Variants in PCNT observed in about 807,000 individuals in gnomAD.
The protein encoded by PCNT is kendrin.
A neutral mutation model predicts 380.4 loss-of-function variants in PCNT; 319 were observed. That is an observed-to-expected ratio of 0.84 (90% CI 0.77 to 0.92). The LOEUF (loss-of-function observed/expected upper bound fraction) is 0.92, where lower values mean the gene tolerates loss of function less well. Ranked by LOEUF, PCNT falls within the 40% of genes least tolerant of loss-of-function variation. The probability of loss-of-function intolerance (pLI) is 0.00; values close to 1 mark genes in which losing one functional copy is unlikely to be tolerated. For synonymous variants in PCNT, 1,845 were observed against 1,735.2 expected, an observed-to-expected ratio of 1.06 and a Z score of -1.57; for missense variants, 4,400 against 4,255.3, an observed-to-expected ratio of 1.03 and a Z score of -0.95.
intron 26 of PCNT, 144 bp from the exon 27 acceptor site, chr21:46,402,186 GT>G (rs2086451218): frequency 1.7e-6 from 1 of 582,360 alleles, no homozygotes; most frequent in Non-Finnish European, 2.9e-6. Context: ...TTTACCATTT[GT>G]GTGCGGGTAC....
intron 40 of PCNT, 98 bp from the exon 41 acceptor site, chr21:46,438,066 T>G: frequency 1.0e-6 from 1 of 979,950 alleles, no homozygotes; most frequent in Non-Finnish European, 1.6e-6. Flanking sequence ...CCAGACACAT[T>G]AATTACAATC....
intron 25 of PCNT, among the ~76,000 whole-genome samples, chr21:46,400,949 GT>G: frequency 6.6e-6 from 1 of 152,278 alleles, no homozygotes; most frequent in East Asian, 1.9e-4. Context: ...GAGCGGAGTT[GT>G]CCCCCTGGCC....
intron 13 of PCNT, among the ~76,000 whole-genome samples, chr21:46,361,113 C>T (rs548290744): frequency 7.9e-5 from 12 of 152,162 alleles, no homozygotes; most frequent in South Asian, 2.1e-4. Flanking sequence ...ATTCTTGGCC[C>T]GGCACGGTGG....
intron 24 of PCNT, 98 bp downstream of exon 24, chr21:46,398,353 C>T (rs1448657030): frequency 1.6e-6 from 2 of 1,258,006 alleles, no homozygotes; most frequent in African/African-American, 1.5e-5. Context: ...TTTTCTTGCT[C>T]TTGTTTGGGC....
chr21:46,416,829 G>C lies in PCNT; in HGVS notation c.6911G>C (p.Arg2304Thr), dbSNP rs937446086. The change falls in exon 30 of 47, where the codon AGG (arginine) becomes ACG (threonine). Residue 2304 changes from arginine (R) to threonine (T), a missense_variant. Physicochemically the swap from Arg to Thr is moderately conservative, Grantham distance 71 (BLOSUM62 -1). Coordinates refer to ENST00000359568, the MANE Select transcript of PCNT (RefSeq NM_006031.6). The part of the protein sequence containing the change: ...SPPADDHHVQ[R>T]TAVEKDVEDF... ...CCGGCTGACGACCACCATGTGCAGA[G>C]GACGGCTGTGGTAGGTGCCTGCTCT... 1 of 1,597,878 alleles carries C rather than the reference G, an allele frequency of 6.3e-7. No homozygotes were observed. Among genetic ancestry groups the C allele is most frequent in the African/African-American group, 1.3e-5 (1 of 75,036 alleles).
At chr21:46,365,847 C>CTGT (rs373559895) in intron 14 of PCNT, among the ~76,000 whole-genome samples, 2 of 111,220 alleles carry the variant, frequency 1.8e-5, no homozygotes, top group Non-Finnish European at 3.3e-5. Flanking sequence ...TTCACTGCCA[C>CTGT]AGGGTTCTGT....
At chr21:46,394,499 C>T (rs2086142977) in intron 21 of PCNT, 1 of 984,678 alleles carries the variant, frequency 1.0e-6, no homozygotes, top group Admixed American at 6.1e-5. Flanking sequence ...AACTCTTGTT[C>T]ATAGGCACAG....
chr21:46,361,383 T>C (rs934710346), intron 13 of PCNT, among the ~76,000 whole-genome samples: 3 of 152,136 alleles, frequency 2.0e-5, no homozygotes, highest in Non-Finnish European at 4.4e-5. Flanking sequence ...AGAGCGAGAC[T>C]CCGTCTCAAA....
chr21:46,391,395 G>A lies in PCNT; in HGVS notation c.4216+19G>A. The stretch of plus-strand genomic sequence containing the variant: ...GAAGCTGGTAAGGAGCGCGGGCTGT[G>A]GAGGGTGGTGCGAGCTGTGGGGCGC... On this transcript the variant is annotated intron_variant, in intron 21 of 46. Coordinates refer to ENST00000359568, the MANE Select transcript of PCNT (RefSeq NM_006031.6). 6.5e-7 allele frequency: 1 copy of A among 1,539,854 alleles called. No individual in the cohort carries two copies. The highest frequency in any genetic ancestry group is 8.8e-7 in the Non-Finnish European group (1 of 1,139,280).
intron 11 of PCNT, among the ~76,000 whole-genome samples, chr21:46,355,031 C>T (rs1482189533): frequency 1.3e-5 from 2 of 152,188 alleles, no homozygotes; most frequent in East Asian, 1.9e-4. Flanking sequence ...GTGGGTGTGA[C>T]GAGGACCCAG....
At chr21:46,417,969 A>G (rs2087099755) in intron 30 of PCNT, among the ~76,000 whole-genome samples, 3 of 152,230 alleles carry the variant, frequency 2.0e-5, no homozygotes, top group African/African-American at 7.2e-5. Flanking sequence ...CATGCAAAAC[A>G]ATTTAAATCT....
At chr21:46,327,900 G>A (rs1162432957) in intron 2 of PCNT, among the ~76,000 whole-genome samples, 1 of 152,204 alleles carries the variant, frequency 6.6e-6, no homozygotes, top group Admixed American at 6.5e-5. Context: ...GGCAGGTGTG[G>A]CAGGTGAGTG....
rs1271307759 is a variant in PCNT at position 46,411,961 on chromosome 21, G to C, written c.5888G>C (p.Gly1963Ala). The change falls in exon 28 of 47, where the codon GGG (glycine) becomes GCG (alanine). Residue 1963 changes from glycine to alanine, a missense_variant. Physicochemically the swap from Gly to Ala is moderately conservative, Grantham distance 60. Transcript: ENST00000359568. ...GCCACAGCTCACACACGGGTGCCCGGGGCCCACCCACAGCCTCGCATGGAT... is the reference window on the plus strand; with the variant it reads ...GCCACAGCTCACACACGGGTGCCCGCGGCCCACCCACAGCCTCGCATGGAT... ...RRATAHTRVPGAHPQPRMDGG... is the reference protein window; with the variant it reads ...RRATAHTRVPAAHPQPRMDGG... The C allele has an allele frequency of 6.3e-7, 1 of 1,599,822 alleles. No individual in the cohort carries two copies. The highest frequency in any genetic ancestry group is 1.3e-5 in the African/African-American group (1 of 74,878).
intron 37 of PCNT, 82 bp from the exon 38 acceptor site, chr21:46,431,447 A>G (rs2087758236): frequency 5.6e-6 from 9 of 1,610,630 alleles, no homozygotes; most frequent in African/African-American, 1.3e-5. Context: ...GCTAAAGTAT[A>G]TAAACAAATG....
At chr21:46,399,238 C>CTAGGTCTCCCTGTGCAGCCTG (rs2086317550) in intron 24 of PCNT, among the ~76,000 whole-genome samples, 3 of 42,982 alleles carry the variant, frequency 7.0e-5, no homozygotes, top group African/African-American at 1.3e-4. Context: ...TGTTCAGCCT[C>CTAGGTCTCCCTGTGCAGCCTG]TGGGTCTAGG....
chr21:46,351,335 G>T, intron 8 of PCNT, 94 bp from the exon 9 acceptor site: 1 of 785,494 alleles, frequency 1.3e-6, no homozygotes, highest in East Asian at 2.4e-5. Flanking sequence ...TTACCCTTAG[G>T]ATCGCAGTGG....
chr21:46,326,335 CACTT>C, intron 1 of PCNT, 38 bp from the exon 2 acceptor site: 1 of 1,590,944 alleles, frequency 6.3e-7, no homozygotes, highest in Non-Finnish European at 8.6e-7. Flanking sequence ...ATTTTTTTCT[CACTT>C]ACCTTTGCCT....
In PCNT at chr21:46,422,113, A is replaced by C. The variant is rs1170831568; in HGVS notation, c.7168A>C (p.Lys2390Gln). 6.2e-7 allele frequency: 1 copy of C among 1,613,720 alleles called. No homozygotes were observed. The highest frequency in any genetic ancestry group is 1.1e-5 in the South Asian group (1 of 91,090). ...EAMKEKEVRP[K>Q]HVKALLQMVR... The stretch of plus-strand genomic sequence containing the variant: ...CATGAAGGAGAAGGAAGTGCGTCCG[A>C]AGCACGTGAAGGTATGGCTGGCAGG... The change falls in exon 32 of 47, where the codon AAG (lysine) becomes CAG (glutamine). Residue 2390 changes from lysine (K) to glutamine (Q), a missense_variant. Transcript: ENST00000359568.
rs2087111344 is a variant in PCNT at position 46,418,275 on chromosome 21, A to G, written c.6993A>G (p.Gly2331=). The part of the protein sequence containing the change: ...SQETLSSPPP[G]LEGKADRSEK... ...AAACATTAAGTTCACCTCCTCCTGG[A>G]TTAGAAGGAAAAGCTGATAGAAGTG... is the stretch of plus-strand genomic sequence containing the variant. Residue 2331 remains glycine (G), a synonymous_variant, in exon 31 of 47, where the codon GGA becomes GGG. Transcript: ENST00000359568. The G allele has an allele frequency of 6.2e-7, 1 of 1,605,104 alleles. No individual in the cohort carries two copies. The highest frequency in any genetic ancestry group is 1.7e-5 in the Admixed American group (1 of 59,994).
Sources: allele counts gnomAD v4.1 joint callset (sites outside exome capture counted in the v4.1 genomes callset), GRCh38; gene constraint gnomAD v4.1.1; transcripts MANE v1.5; gene names NCBI Gene and HGNC (gene_info 2026-07-23, HGNC 2026-07-21).